NALCN: variants seen among roughly 807,000 people sequenced by gnomAD.
The protein encoded by NALCN is sodium leak channel NALCN.
NALCN carries 111 observed loss-of-function variants against 225.3 expected under a neutral mutation model. The observed-to-expected ratio is 0.49, with a 90% CI of 0.42 to 0.58. The LOEUF (loss-of-function observed/expected upper bound fraction) is 0.58, where lower values mean the gene tolerates loss of function less well. NALCN is among the 20% of genes least tolerant of loss of function. The probability of loss-of-function intolerance (pLI) is 0.00; values close to 1 mark genes in which losing one functional copy is unlikely to be tolerated. For synonymous variants in NALCN, 764 were observed against 769.0 expected, an observed-to-expected ratio of 0.99 and a Z score of 0.11; for missense variants, 1,378 against 2,202.4, an observed-to-expected ratio of 0.63 and a Z score of 7.49.
In NALCN at chr13:101,143,126, T is replaced by C. The variant is rs771625258; in HGVS notation, c.2072A>G (p.His691Arg). 3 of 1,614,010 alleles carry C rather than the reference T, an allele frequency of 1.9e-6. No individual in the cohort carries two copies. The highest frequency in any genetic ancestry group is 2.5e-6 in the Non-Finnish European group (3 of 1,180,008). ...GTCCTCAATTGCTGAGCGTTTGGAG[T>C]GGTCGCAGGAGGAGGAAGAGGTGGT... ...LPTTSSSSCD[H>R]SKRSAIEDNK... Residue 691 changes from histidine to arginine, a missense_variant, in exon 17 of 44, where the codon CAC becomes CGC. By Grantham distance (29) the His-to-Arg change is conservative. Coordinates refer to ENST00000251127, the MANE Select transcript of NALCN (RefSeq NM_052867.4).
At chr13:101,177,732 T>A (rs2039021002) in intron 14 of NALCN, among the ~76,000 whole-genome samples, 1 of 152,218 alleles carries the variant, frequency 6.6e-6, no homozygotes, top group African/African-American at 2.4e-5. Flanking sequence ...CTCATATTTT[T>A]CTTTTCAGTT....
chr13:101,127,866 T>A (rs1045528470), intron 17 of NALCN, among the ~76,000 whole-genome samples: 2 of 152,222 alleles, frequency 1.3e-5, no homozygotes, highest in Admixed American at 6.5e-5. Flanking sequence ...TAGTAAAGCT[T>A]TGCGAATTTT....
At position 101,104,613 on chromosome 13, in the gene NALCN, T is replaced by A. The variant is rs748201752; in HGVS notation, c.2674A>T (p.Met892Leu). ...CAAGAGCAGATGGTTACGATGATCATGACCCAGTCCAGGTAAGTGACCAAT... is the reference window on the plus strand; with the variant it reads ...CAAGAGCAGATGGTTACGATGATCAAGACCCAGTCCAGGTAAGTGACCAAT... The part of the protein sequence containing the change: ...LGLVTYLDWV[M>L]IIVTICSCIS... The change falls in exon 24 of 44, where the codon ATG becomes TTG. Residue 892 changes from methionine to leucine, a missense_variant. Transcript: ENST00000251127. This position sits in a 1 kb window ranked among gnomAD's most constrained non-coding sequence, Gnocchi z 4.2. The A allele has an allele frequency of 6.2e-7, 1 of 1,613,982 alleles. No individual in the cohort carries two copies. Among genetic ancestry groups the A allele is most frequent in the Admixed American group, 1.7e-5 (1 of 60,002 alleles).
chr13:101,162,524 A>T (rs1026314990), intron 15 of NALCN, among the ~76,000 whole-genome samples: 2 of 152,102 alleles, frequency 1.3e-5, no homozygotes, highest in African/African-American at 4.8e-5. Context: ...CACAGGGTAA[A>T]CCTCACTATT....
intron 18 of NALCN, among the ~76,000 whole-genome samples, chr13:101,112,951 A>C (rs887127312): frequency 2.0e-5 from 3 of 152,152 alleles, no homozygotes; most frequent in African/African-American, 7.2e-5. Context: ...ATTATATAGT[A>C]ATACATTATA....
intron 42 of NALCN, chr13:101,058,268 T>G (rs749939719): frequency 3.0e-5 from 16 of 527,770 alleles, no homozygotes; most frequent in Middle Eastern, 4.9e-4. Context: ...GACACCACTC[T>G]TCCTGGGACA....
At chr13:101,349,965 C>T (rs1198496372) in intron 6 of NALCN, among the ~76,000 whole-genome samples, 1 of 152,146 alleles carries the variant, frequency 6.6e-6, no homozygotes, top group Non-Finnish European at 1.5e-5. Context: ...TAGAATCATG[C>T]TTGATACCTA....
At chr13:101,387,936 G>A (rs2047040928) in intron 3 of NALCN, among the ~76,000 whole-genome samples, 1 of 152,110 alleles carries the variant, frequency 6.6e-6, no homozygotes, top group Non-Finnish European at 1.5e-5. Flanking sequence ...AGGACATTTT[G>A]CTAAAATAAA....
At chr13:101,168,580 T>G (rs1192210797) in intron 15 of NALCN, among the ~76,000 whole-genome samples, 2 of 152,152 alleles carry the variant, frequency 1.3e-5, no homozygotes, top group Non-Finnish European at 2.9e-5. Flanking sequence ...TCCACCGCTT[T>G]CGATATTCTC....
chr13:101,305,890 T>A (rs189784251), intron 7 of NALCN, among the ~76,000 whole-genome samples: 19 of 152,282 alleles, frequency 1.2e-4, no homozygotes, highest in African/African-American at 4.6e-4. Flanking sequence ...GGTATGTTAA[T>A]CTGGACAAAA....
At chr13:101,071,380 T>C (rs182642143) in intron 37 of NALCN, among the ~76,000 whole-genome samples, 8 of 152,344 alleles carry the variant, frequency 5.3e-5, no homozygotes, top group African/African-American at 1.9e-4. Flanking sequence ...TGAAAATCCA[T>C]TGTTTAGTGT....
intron 13 of NALCN, among the ~76,000 whole-genome samples, chr13:101,207,685 A>G (rs1171781460): frequency 1.3e-5 from 2 of 152,148 alleles, no homozygotes; most frequent in African/African-American, 2.4e-5. Flanking sequence ...AAACACACCA[A>G]TCAGCACTCT....
intron 7 of NALCN, among the ~76,000 whole-genome samples, chr13:101,344,442 G>A (rs1330112687): frequency 1.3e-5 from 2 of 152,074 alleles, no homozygotes; most frequent in Non-Finnish European, 1.5e-5. Context: ...ATCAGCCCAC[G>A]TTCAGTACTA....
chr13:101,177,357 T>C (rs181266323), intron 14 of NALCN, among the ~76,000 whole-genome samples: 190 of 149,722 alleles, frequency 1.3e-3, no homozygotes, highest in African/African-American at 4.4e-3. Context: ...AGATACCTAA[T>C]ACACTGGTGA....
chr13:101,387,283 T>C (rs1157656674), intron 3 of NALCN, among the ~76,000 whole-genome samples: 2 of 145,054 alleles, frequency 1.4e-5, no homozygotes, highest in African/African-American at 5.1e-5. Context: ...ATCACTGGCA[T>C]ATGTGTACAT....
At chr13:101,395,063 C>T (rs2047248679) in intron 3 of NALCN, 120 bp downstream of exon 3, 1 of 933,858 alleles carries the variant, frequency 1.1e-6, no homozygotes, top group African/African-American at 1.7e-5. Flanking sequence ...AAAAGGACTT[C>T]CATATGTATA....
chr13:101,272,917 C>T (rs2140258070), intron 10 of NALCN, among the ~76,000 whole-genome samples: 1 of 152,244 alleles, frequency 6.6e-6, no homozygotes, highest in South Asian at 2.1e-4. Context: ...CAATCTTAGC[C>T]TTCAATGGAA....
chr13:101,308,898 C>T (rs2044243989), intron 7 of NALCN, among the ~76,000 whole-genome samples: 1 of 151,200 alleles, frequency 6.6e-6, no homozygotes, highest in South Asian at 2.1e-4. Context: ...ATTCACACTT[C>T]ATACCTACAC....
chr13:101,219,409 G>A (rs2040855405), intron 13 of NALCN, among the ~76,000 whole-genome samples: 1 of 152,126 alleles, frequency 6.6e-6, no homozygotes, highest in Middle Eastern at 3.2e-3. Flanking sequence ...ATGTAAGGAT[G>A]ACAGATGTTT....
Sources: gnomAD v4.1 joint callset for allele counts (sites outside exome capture counted in the v4.1 genomes callset) on GRCh38, gnomAD v4.1.1 for gene constraint, Gnocchi (gnomAD v3.1) non-coding constraint, MANE v1.5 for transcripts, NCBI Gene and HGNC (gene_info 2026-07-23, HGNC 2026-07-21) for gene names.